The following MGAT1 variants were observed in gnomAD, a reference collection of about 807,000 sequenced individuals.
MGAT1 encodes the protein N-glycosyl-oligosaccharide-glycoprotein N-acetylglucosaminyltransferase I.
A neutral mutation model predicts 31.7 loss-of-function variants in MGAT1; 14 were observed. The ratio of observed to expected loss-of-function variants is 0.44; its 90% confidence interval spans 0.29 to 0.69. MGAT1 has a LOEUF of 0.69. MGAT1 is among the 30% of genes least tolerant of loss of function. The pLI is 0.12. For missense variants in MGAT1, 557 were observed against 626.0 expected, an observed-to-expected ratio of 0.89 and a Z score of 1.18; for synonymous variants, 338 against 276.0, an observed-to-expected ratio of 1.22 and a Z score of -2.23.
chr5:180,803,539 G>C (rs1771364551), upstream of MGAT1: 1 of 152,508 alleles, frequency 6.6e-6, no homozygotes, highest in Non-Finnish European at 1.5e-5. Context: ...GACCTGAAGA[G>C]GAGGTGGAGG....
chr5:180,793,924 A>G (rs550200897), intron 1 of MGAT1, among the ~76,000 whole-genome samples: 40 of 152,334 alleles, frequency 2.6e-4, no homozygotes, highest in Non-Finnish European at 4.0e-4. Context: ...GAACATCTGA[A>G]TATCCCTTGT....
chr5:180,811,540 C>T (rs1025683857), intron 1 of MGAT1, among the ~76,000 whole-genome samples: 2 of 152,052 alleles, frequency 1.3e-5, no homozygotes, highest in African/African-American at 2.4e-5. Flanking sequence ...TCTCTCACCC[C>T]CTCTACACAA....
At chr5:180,798,931 T>C (rs545112746) in intron 1 of MGAT1, among the ~76,000 whole-genome samples, 17 of 152,358 alleles carry the variant, frequency 1.1e-4, no homozygotes, top group African/African-American at 3.1e-4. Flanking sequence ...AAGTTACTCA[T>C]TGACTGCTAG....
chr5:180,812,388 T>C (rs943671933), intron 1 of MGAT1, among the ~76,000 whole-genome samples: 10 of 151,380 alleles, frequency 6.6e-5, no homozygotes, highest in Non-Finnish European at 1.5e-4. Flanking sequence ...ATTTTCATAA[T>C]TATAACCATT....
In MGAT1 at chr5:180,788,724, G is replaced by C. The variant is rs1420397383; in HGVS notation, c.*2910C>G. The C allele has an allele frequency of 2.2e-5, 3 of 138,482 alleles. No individual in the cohort carries two copies. The highest frequency in any genetic ancestry group is 4.7e-5 in the Non-Finnish European group (3 of 63,234). 8.6% of individuals were successfully genotyped at this position (138,482 alleles called of 1,614,324 possible). On this transcript the variant is annotated 3_prime_UTR_variant, in exon 2 of 2. Coordinates refer to ENST00000307826, the MANE Select transcript of MGAT1 (RefSeq NM_002406.4). ...GTTGGTACTTATCCTGGAGCACTAA[G>C]TAAGTTGGTACTTATCCTGGAGCAC...
chr5:180,806,685 C>G (rs1771923790), upstream of MGAT1, among the ~76,000 whole-genome samples: 1 of 152,234 alleles, frequency 6.6e-6, no homozygotes, highest in African/African-American at 2.4e-5. Context: ...TCCCCTCAAA[C>G]TGGGAAAAGA....
chr5:180,814,857 T>A (rs1772770276), intron 1 of MGAT1, among the ~76,000 whole-genome samples: 1 of 151,696 alleles, frequency 6.6e-6, no homozygotes. Flanking sequence ...GGAGAATCGC[T>A]TGAACCCGGG....
chr5:180,807,623 C>T (rs1398414073), upstream of MGAT1, among the ~76,000 whole-genome samples: 1 of 152,182 alleles, frequency 6.6e-6, no homozygotes, highest in East Asian at 1.9e-4. Context: ...ATCCTTCCAC[C>T]CCCTCTTTAA....
chr5:180,803,697 G>A (rs1347906668), upstream of MGAT1: 4 of 152,472 alleles, frequency 2.6e-5, no homozygotes, highest in African/African-American at 9.7e-5. Context: ...CAGCGATCAG[G>A]TCTGAGGCCT....
intron 1 of MGAT1, among the ~76,000 whole-genome samples, chr5:180,797,801 T>G (rs1435595393): frequency 6.6e-6 from 1 of 152,224 alleles, no homozygotes. Flanking sequence ...TTGCTCCTGT[T>G]GCCATAAGAG....
chr5:180,802,877 A>G (rs1460629899), upstream of MGAT1: 1 of 148,190 alleles, frequency 6.7e-6, no homozygotes, highest in Non-Finnish European at 1.5e-5. Context: ...GGCGGGGCGG[A>G]CTGAGGGGCG....
intron 1 of MGAT1, among the ~76,000 whole-genome samples, chr5:180,798,731 C>A (rs750709613): frequency 6.6e-6 from 1 of 152,218 alleles, no homozygotes; most frequent in African/African-American, 2.4e-5. Flanking sequence ...TATTTATAGT[C>A]TTTTCTCTCT....
rs574677881 is a variant in MGAT1 at position 180,785,716 on chromosome 5, GCCTGATCGCCGCTCACCTACT to G, written c.*5897_*5917del. The G allele has an allele frequency of 7.9e-5, 12 of 152,450 alleles. No homozygotes were observed. In the East Asian group the frequency reaches 2.3e-3, roughly 29 times the overall value. 9.4% of individuals were successfully genotyped at this position (152,450 alleles called of 1,614,324 possible). A position where few individuals can be genotyped will look rare whatever the true frequency, so the allele number is the denominator to read the frequency against. On this transcript the variant is annotated 3_prime_UTR_variant, in exon 2 of 2. Coordinates refer to ENST00000307826, the MANE Select transcript of MGAT1 (RefSeq NM_002406.4). ...GGGAAGGCCCTCGGTGAAGAGTGAG[GCCTGATCGCCGCTCACCTACT>G]CCTGATCCTGAAAGGTTTTGCCCTT...
rs1458968331 is a variant in MGAT1, at chr5:180,792,617, G to A, written c.355C>T (p.Arg119Trp). 5.0e-6 allele frequency: 8 copies of A among 1,605,212 alleles called. No individual in the cohort carries two copies. The highest frequency in any genetic ancestry group is 1.7e-5 in the Admixed American group (1 of 59,704). The change falls in exon 2 of 2, where the codon CGG becomes TGG. Residue 119 changes from arginine (R) to tryptophan (W), a missense_variant. This residue lies in a region of MGAT1 where 245 missense variants were observed against 332.9 expected (regional missense o/e 0.74). Transcript: ENST00000307826. ...TGCAGCAGCTTGTCCAGGCAGCGCC[G>A]AACAGTGCTGCGGTCACAGGCGATG... ...LVIACDRSTV[R>W]RCLDKLLHYR...
chr5:180,794,393 C>CAA (rs201250374), intron 1 of MGAT1, among the ~76,000 whole-genome samples: 4 of 129,496 alleles, frequency 3.1e-5, no homozygotes, highest in African/African-American at 6.3e-5. Flanking sequence ...GACTCTGTCT[C>CAA]AAAAAAATTT....
upstream of MGAT1, chr5:180,803,278 G>C (rs978403880): frequency 6.6e-6 from 1 of 152,596 alleles, no homozygotes; most frequent in Non-Finnish European, 1.5e-5. Flanking sequence ...TGCCCGACGG[G>C]GGGCCGGGGG....
Position 180,793,003 on chromosome 5 carries a change from G to C in MGAT1, c.-32C>G, listed in dbSNP as rs1803652. The C allele has an allele frequency of 6.2e-6, 10 of 1,610,664 alleles. No individual in the cohort carries two copies. The highest frequency in any genetic ancestry group is 7.6e-6 in the Non-Finnish European group (9 of 1,179,166). ...CCCCACCGGGGAGGGCAGGCCAGGG[G>C]ACGGTTCAAGGCTGCCCTGGGCTTG... On this transcript the variant is annotated 5_prime_UTR_variant, in exon 2 of 2. Transcript: ENST00000307826.
At position 180,793,037 on chromosome 5, in the gene MGAT1, C is replaced by T; in HGVS notation, c.-66G>A. On this transcript the variant is annotated 5_prime_UTR_variant, in exon 2 of 2. Transcript: ENST00000307826. The stretch of plus-strand genomic sequence containing the variant: ...AGGCTGCCCTGGGCTTGCCCGGCTC[C>T]CTTGCCCGCAGTCCTAGGGATGCCT... 6.3e-7 allele frequency: 1 copy of T among 1,582,896 alleles called. No individual in the cohort carries two copies. Among genetic ancestry groups the T allele is most frequent in the Non-Finnish European group, 8.6e-7 (1 of 1,164,064 alleles).
At chr5:180,807,884 T>C (rs998983146) in intron 2 of MGAT1, among the ~76,000 whole-genome samples, 1 of 152,234 alleles carries the variant, frequency 6.6e-6, no homozygotes, top group Non-Finnish European at 1.5e-5. Flanking sequence ...GACTCAGAGT[T>C]GTTTCTGTGC....
Sources: allele counts gnomAD v4.1 joint callset (sites outside exome capture counted in the v4.1 genomes callset), GRCh38; gene constraint gnomAD v4.1.1; regional missense constraint gnomAD v4.1.1; transcripts MANE v1.5; gene names NCBI Gene and HGNC (gene_info 2026-07-23, HGNC 2026-07-21).